The following ANKRD28 variants were observed in gnomAD, a reference collection of about 807,000 sequenced individuals.
ANKRD28 encodes serine/threonine-protein phosphatase 6 regulatory ankyrin repeat subunit A.
A neutral mutation model predicts 126.5 loss-of-function variants in ANKRD28; 44 were observed. That is an observed-to-expected ratio of 0.35 (90% confidence interval 0.27 to 0.45). The LOEUF is 0.45. Ranked by LOEUF, ANKRD28 falls within the 20% of genes least tolerant of loss-of-function variation. The pLI, the probability that ANKRD28 is intolerant of heterozygous loss-of-function variation, is 1.00. For synonymous variants in ANKRD28, 442 were observed against 468.5 expected (o/e 0.94, Z 0.73); for missense variants, 1,110 against 1,316.6 (o/e 0.84, Z 2.43).
At chr3:15,672,171 G>T in intron 27 of ANKRD28, among the ~76,000 whole-genome samples, 1 of 149,620 alleles carries the variant, frequency 6.7e-6, no homozygotes, top group Non-Finnish European at 1.5e-5. Context: ...TTTGAGACAG[G>T]GTCTTGTTCT....
At chr3:15,763,411 C>G in intron 3 of ANKRD28, among the ~76,000 whole-genome samples, 1 of 152,104 alleles carries the variant, frequency 6.6e-6, no homozygotes. Context: ...ATCCCAGGCA[C>G]TTTAAATAAA....
Position 15,843,994 on chromosome 3 carries a change from G to GTGA in ANKRD28, c.27+15382_27+15383insTCA, listed in dbSNP as rs1199935514. Among the ~76,000 whole-genome samples the GTGA allele has an allele frequency of 6.6e-6, 1 of 152,156 alleles. No individual in the cohort carries two copies. Among genetic ancestry groups the GTGA allele is most frequent in the African/African-American group, 2.4e-5 (1 of 41,434 alleles). On this transcript the variant is annotated intron_variant, in intron 1 of 27. Transcript: ENST00000399451. This position sits in a 1 kb window ranked among gnomAD's most constrained non-coding sequence, Gnocchi z 5.2. ...GTGGAAATGCAGGAACGAAAGCTGG[G>GTGA]TAGGGTAGGTGATAGTTGAAGAAAA...
At chr3:15,829,873 T>C (rs979089133) in intron 1 of ANKRD28, among the ~76,000 whole-genome samples, 1 of 152,124 alleles carries the variant, frequency 6.6e-6, no homozygotes, top group African/African-American at 2.4e-5. Context: ...AATAAAAGGT[T>C]TGCCAAAGAG....
chr3:15,720,424 A>T (rs2073588928), intron 8 of ANKRD28, among the ~76,000 whole-genome samples: 1 of 152,230 alleles, frequency 6.6e-6, no homozygotes, highest in African/African-American at 2.4e-5. Context: ...TTTTAAAATT[A>T]GATACAGACA....
In ANKRD28 at chr3:15,685,452, GA is replaced by G; in HGVS notation, c.2170-8del. On this transcript the variant is annotated splice_region_variant and splice_polypyrimidine_tract_variant and intron_variant, in intron 20 of 27. Coordinates refer to ENST00000683139, the MANE Select transcript of ANKRD28 (RefSeq NM_001349278.2). ...CTTCATGGCCTGTAACTGCCTGAAA[GA>G]AAATAATTTAAAGGTAGTCAAACAT... The G allele has an allele frequency of 6.2e-7, 1 of 1,613,362 alleles. No homozygotes were observed. The highest frequency in any genetic ancestry group is 8.5e-7 in the Non-Finnish European group (1 of 1,179,358).
At chr3:15,826,290 G>A (rs370452646) in intron 1 of ANKRD28, among the ~76,000 whole-genome samples, 14 of 152,120 alleles carry the variant, frequency 9.2e-5, no homozygotes, top group African/African-American at 2.9e-4. Flanking sequence ...TTTGTTACAC[G>A]CACAGATTGT....
At chr3:15,760,203 T>C (rs1290051885) in intron 3 of ANKRD28, among the ~76,000 whole-genome samples, 2 of 152,000 alleles carry the variant, frequency 1.3e-5, no homozygotes, top group African/African-American at 2.4e-5. Flanking sequence ...GGGTGGACGA[T>C]AAGAGGAGAG....
chr3:15,787,368 A>G (rs2059826736), intron 2 of ANKRD28, among the ~76,000 whole-genome samples: 1 of 152,148 alleles, frequency 6.6e-6, no homozygotes, highest in African/African-American at 2.4e-5. Context: ...GAGAAACCTC[A>G]ACATTGACGA....
intron 3 of ANKRD28, among the ~76,000 whole-genome samples, chr3:15,753,042 T>G (rs1204428721): frequency 2.0e-5 from 3 of 151,964 alleles, no homozygotes; most frequent in Non-Finnish European, 4.4e-5. Context: ...ACAAATGTAG[T>G]AGTTGAGATG....
intron 12 of ANKRD28, 62 bp from the exon 13 acceptor site, chr3:15,709,798 G>A: frequency 1.8e-6 from 2 of 1,105,720 alleles, no homozygotes; most frequent in African/African-American, 1.6e-5. Flanking sequence ...GAAATTGGTA[G>A]GTTTAAAGAA....
chr3:15,694,132 G>T (rs2069190396), intron 17 of ANKRD28, among the ~76,000 whole-genome samples: 1 of 151,988 alleles, frequency 6.6e-6, no homozygotes, highest in South Asian at 2.1e-4. Flanking sequence ...GGATCTACTT[G>T]AAATTTAAGG....
intron 1 of ANKRD28, among the ~76,000 whole-genome samples, chr3:15,827,899 T>C (rs2061102827): frequency 1.3e-5 from 2 of 152,124 alleles, no homozygotes; most frequent in Non-Finnish European, 2.9e-5. Flanking sequence ...CAACAAATTT[T>C]TAAATGGACA....
intron 3 of ANKRD28, chr3:15,756,355 C>G (rs2058154058): frequency 3.8e-6 from 1 of 263,888 alleles, no homozygotes; most frequent in Non-Finnish European, 5.9e-6. Flanking sequence ...TAATATTTCA[C>G]CCATATAAAA....
intron 6 of ANKRD28, among the ~76,000 whole-genome samples, chr3:15,734,641 A>T (rs2074892274): frequency 6.6e-6 from 1 of 152,206 alleles, no homozygotes; most frequent in Non-Finnish European, 1.5e-5. Flanking sequence ...GCCTTATAGG[A>T]CTTTAAGGAT....
chr3:15,740,759 A>C (rs767445392), intron 4 of ANKRD28, among the ~76,000 whole-genome samples: 39 of 152,218 alleles, frequency 2.6e-4, no homozygotes, highest in Non-Finnish European at 5.3e-4. Context: ...TTTCACTAAA[A>C]AGCAAGAACA....
chr3:15,816,268 C>T lies in ANKRD28; in HGVS notation c.28-20962G>A, dbSNP rs537385440. On this transcript the variant is annotated intron_variant, in intron 1 of 27. Coordinates refer to the ANKRD28 transcript ENST00000399451. This position sits in a 1 kb window ranked among gnomAD's most constrained non-coding sequence, Gnocchi z 5.0. The stretch of plus-strand genomic sequence containing the variant: ...AAATCCACCTAGCCTAGCCTCCTAC[C>T]TCCACAAATATTTACTCAATAATTG... Among the ~76,000 whole-genome samples the T allele has an allele frequency of 1.3e-5, 2 of 152,272 alleles. No homozygotes were observed. The highest frequency in any genetic ancestry group is 2.1e-4 in the South Asian group (1 of 4,820).
chr3:15,692,297 G>C (rs762629612), intron 17 of ANKRD28, among the ~76,000 whole-genome samples: 4 of 151,856 alleles, frequency 2.6e-5, no homozygotes, highest in Non-Finnish European at 5.9e-5. Context: ...AAAAAATAAA[G>C]AATTAGTCGG....
intron 12 of ANKRD28, among the ~76,000 whole-genome samples, chr3:15,710,852 A>C (rs916268475): frequency 4.6e-5 from 7 of 152,192 alleles, no homozygotes; most frequent in Non-Finnish European, 8.8e-5. Flanking sequence ...AAAAATTAAC[A>C]AATCTACTTA....
intron 2 of ANKRD28, among the ~76,000 whole-genome samples, chr3:15,766,546 G>A (rs962923256): frequency 2.0e-5 from 3 of 151,948 alleles, no homozygotes; most frequent in Admixed American, 1.3e-4. Context: ...AATTAGCCAG[G>A]CATGGTAGCA....
Sources: allele counts gnomAD v4.1 joint callset (sites outside exome capture counted in the v4.1 genomes callset), GRCh38; gene constraint gnomAD v4.1.1; non-coding constraint Gnocchi (gnomAD v3.1); transcripts MANE v1.5; gene names NCBI Gene and HGNC (gene_info 2026-07-23, HGNC 2026-07-21).